SLCO1B3: variants seen among roughly 807,000 people sequenced by gnomAD.
SLCO1B3 encodes liver-specific organic anion transporter 2.
Under a neutral mutation model 71.8 loss-of-function variants are expected in SLCO1B3, and 72 were observed. That is an observed-to-expected ratio of 1.00 (90% CI 0.83 to 1.22). SLCO1B3 has a LOEUF of 1.22. Among genes scored for constraint, SLCO1B3 ranks in the 50% most tolerant of loss-of-function variants. The pLI, the probability that SLCO1B3 is intolerant of heterozygous loss-of-function variation, is 0.00. For missense variants in SLCO1B3, 911 were observed against 819.7 expected, an observed-to-expected ratio of 1.11 and a Z score of -1.36; for synonymous variants, 298 against 278.4, an observed-to-expected ratio of 1.07 and a Z score of -0.70.
At chr12:20,893,083 T>A (rs1353971273) in intron 13 of SLCO1B3, among the ~76,000 whole-genome samples, 1 of 152,154 alleles carries the variant, frequency 6.6e-6, no homozygotes, top group African/African-American at 2.4e-5. Context: ...AATCATAGCC[T>A]AAAGAGCTAG....
intron 8 of SLCO1B3, among the ~76,000 whole-genome samples, chr12:20,868,767 A>C (rs963440385): frequency 1.3e-5 from 2 of 152,124 alleles, no homozygotes; most frequent in Non-Finnish European, 2.9e-5. Flanking sequence ...TATTGGATAC[A>C]AAGCAAAAGG....
chr12:20,826,688 A>G (rs931500011), intron 3 of SLCO1B3, among the ~76,000 whole-genome samples: 6 of 151,636 alleles, frequency 4.0e-5, no homozygotes, highest in African/African-American at 7.3e-5. Flanking sequence ...TTAGAAAAAA[A>G]AAATTAATCA....
At chr12:20,845,582 G>A (rs1332461700) in intron 3 of SLCO1B3, among the ~76,000 whole-genome samples, 2 of 151,700 alleles carry the variant, frequency 1.3e-5, no homozygotes, top group South Asian at 4.2e-4. Context: ...AGGAAATAAA[G>A]AAAATATGTT....
In SLCO1B3 at chr12:20,916,120, A is replaced by G. The variant is rs367827357; in HGVS notation, c.1982A>G (p.Asn661Ser). ...FQGKDTKASD[N>S]ERKVMDEANL... ...GGAAAAGATACCAAGGCATCGGACA[A>G]TGAAAGAAAAGTAATGGATGAAGCA... The change falls in exon 16 of 16, where the codon AAT (asparagine) becomes AGT (serine). Residue 661 changes from asparagine (N) to serine (S), a missense_variant. Transcript: ENST00000381545. The G allele has an allele frequency of 4.3e-6, 7 of 1,613,466 alleles. No individual in the cohort carries two copies. The highest frequency in any genetic ancestry group is 2.7e-5 in the African/African-American group (2 of 74,924).
intron 2 of SLCO1B3, among the ~76,000 whole-genome samples, chr12:20,814,058 G>T (rs981641824): frequency 4.6e-5 from 7 of 151,978 alleles, no homozygotes; most frequent in African/African-American, 1.7e-4. Context: ...TATCTACATA[G>T]CATGTATCCA....
chr12:20,813,291 T>TCC (rs1191962379), intron 1 of SLCO1B3, among the ~76,000 whole-genome samples: 1 of 152,218 alleles, frequency 6.6e-6, no homozygotes, highest in African/African-American at 2.4e-5. Flanking sequence ...CAGTAGATCT[T>TCC]CATTATTCAC....
intron 3 of SLCO1B3, among the ~76,000 whole-genome samples, chr12:20,842,541 A>G (rs1024321815): frequency 1.3e-4 from 20 of 152,128 alleles, no homozygotes; most frequent in African/African-American, 4.3e-4. Context: ...ACCATCATCA[A>G]CACTTCCTCA....
rs374608664 is a variant in SLCO1B3 at position 20,916,002 on chromosome 12, A to C, written c.1866-2A>C. ...TCGACTCTCTATTTTCTCTTTTCAC[A>C]GAAGGGTCTACTTGGGCTTATCTAT... is the stretch of plus-strand genomic sequence containing the variant. On this transcript the variant is annotated splice_acceptor_variant, in intron 15 of 15. Coordinates refer to ENST00000381545, the MANE Select transcript of SLCO1B3 (RefSeq NM_019844.4). LOFTEE classifies it high-confidence loss of function. The C allele has an allele frequency of 1.3e-6, 2 of 1,584,382 alleles. No individual in the cohort carries two copies. Among genetic ancestry groups the C allele is most frequent in the African/African-American group, 2.7e-5 (2 of 73,376 alleles).
At chr12:20,811,029 C>G (rs1384582204) in intron 1 of SLCO1B3, among the ~76,000 whole-genome samples, 1 of 152,088 alleles carries the variant, frequency 6.6e-6, no homozygotes, top group Non-Finnish European at 1.5e-5. Flanking sequence ...ATTTCTATTG[C>G]TTTCTAAACA....
At chr12:20,858,018 C>G (rs545279740) in intron 4 of SLCO1B3, among the ~76,000 whole-genome samples, 1 of 151,912 alleles carries the variant, frequency 6.6e-6, no homozygotes, top group Non-Finnish European at 1.5e-5. Flanking sequence ...ACAAGTACCA[C>G]GATTTTTTTT....
chr12:20,886,475 G>T (rs959967823), intron 13 of SLCO1B3, among the ~76,000 whole-genome samples: 1 of 152,046 alleles, frequency 6.6e-6, no homozygotes, highest in Non-Finnish European at 1.5e-5. Context: ...GACACTAAAG[G>T]AAACTGAGGA....
rs549832056 is a variant in SLCO1B3, at chr12:20,820,729, C to A, written c.84+4907C>A. ...AAAATGTATATTGAGAATAAGATGG[C>A]CTTTTGACCTTTTAGGGTCTAGGGC... On this transcript the variant is annotated intron_variant, in intron 3 of 15. Coordinates refer to ENST00000381545, the MANE Select transcript of SLCO1B3 (RefSeq NM_019844.4). Among the ~76,000 whole-genome samples, 899 of 152,080 alleles carry A rather than the reference C, an allele frequency of 5.9e-3. 7 individuals carry two copies. Among genetic ancestry groups the A allele is most frequent in the African/African-American group, 0.021 (874 of 41,474 alleles).
intron 3 of SLCO1B3, among the ~76,000 whole-genome samples, chr12:20,831,141 G>A (rs1344426259): frequency 1.3e-5 from 2 of 151,948 alleles, no homozygotes; most frequent in East Asian, 1.9e-4. Context: ...GGCAGATCAC[G>A]AGGTTAGGAG....
At chr12:20,859,494 C>CCG (rs766957082) in intron 5 of SLCO1B3, among the ~76,000 whole-genome samples, 1 of 145,230 alleles carries the variant, frequency 6.9e-6, no homozygotes, top group African/African-American at 2.5e-5. Flanking sequence ...TTTTTTTCCC[C>CCG]CTCTACATTT....
intron 3 of SLCO1B3, among the ~76,000 whole-genome samples, chr12:20,816,992 A>G (rs772082874): frequency 2.6e-5 from 4 of 152,144 alleles, no homozygotes; most frequent in Admixed American, 6.5e-5. Flanking sequence ...TGCTATTTGT[A>G]TGTCTTCTTT....
chr12:20,858,811 A>G (rs1364291303), intron 5 of SLCO1B3: 1 of 234,450 alleles, frequency 4.3e-6, no homozygotes, highest in African/African-American at 2.3e-5. Context: ...TATAAGGTAT[A>G]CAGTTTTATA....
At chr12:20,818,798 C>T (rs190938249) in intron 3 of SLCO1B3, among the ~76,000 whole-genome samples, 3,520 of 131,796 alleles carry the variant, frequency 0.027, 67 homozygotes, top group Admixed American at 0.09. Flanking sequence ...GAAACAGGGA[C>T]GAAGGAAATG....
intron 13 of SLCO1B3, among the ~76,000 whole-genome samples, chr12:20,893,710 T>C (rs753570800): frequency 6.6e-6 from 1 of 151,800 alleles, no homozygotes; most frequent in Non-Finnish European, 1.5e-5. Context: ...CTGGGAAAAA[T>C]GAAAGGGTTT....
chr12:20,839,605 T>A lies in SLCO1B3; in HGVS notation c.85-15423T>A, dbSNP rs139176582. 1.5e-4 allele frequency among the ~76,000 whole-genome samples: 23 copies of A among 152,250 alleles called. No homozygotes were observed. In the East Asian group the frequency reaches 4.2e-3, roughly 28 times the overall value. The stretch of plus-strand genomic sequence containing the variant: ...GGGACTTTTTTCCCCTTGTCTTTGA[T>A]TTTGTGTAGTTTGAAAATGATATTC... On this transcript the variant is annotated intron_variant, in intron 3 of 15. Coordinates refer to ENST00000381545, the MANE Select transcript of SLCO1B3 (RefSeq NM_019844.4).
Sources: allele counts gnomAD v4.1 joint callset (sites outside exome capture counted in the v4.1 genomes callset), GRCh38; gene constraint gnomAD v4.1.1; transcripts MANE v1.5; gene names NCBI Gene and HGNC (gene_info 2026-07-23, HGNC 2026-07-21).